Variants in KHDRBS2 observed in about 807,000 individuals in gnomAD.
The protein encoded by KHDRBS2 is KH RNA binding domain containing, signal transduction associated 2.
A neutral mutation model predicts 44.3 loss-of-function variants in KHDRBS2; 26 were observed. That is an observed-to-expected ratio of 0.59 (90% confidence interval 0.43 to 0.81). The LOEUF (loss-of-function observed/expected upper bound fraction) is 0.81, where lower values mean the gene tolerates loss of function less well. Ranked by LOEUF, KHDRBS2 falls within the 40% of genes least tolerant of loss-of-function variation. The pLI is 0.00. For missense variants in KHDRBS2, 476 were observed against 433.1 expected, an observed-to-expected ratio of 1.10 and a Z score of -0.88; for synonymous variants, 194 against 151.1, an observed-to-expected ratio of 1.28 and a Z score of -2.08.
chr6:61,581,562 TACA>T, the KHDRBS2 span, among the ~76,000 whole-genome samples: 177 of 141,830 alleles, frequency 1.2e-3, no homozygotes, highest in African/African-American at 3.9e-3. Context: ...ATACACAATA[TACA>T]ACAATATACA....
chr6:62,135,525 T>C (rs1562938873), intron 2 of KHDRBS2, among the ~76,000 whole-genome samples: 1 of 152,204 alleles, frequency 6.6e-6, no homozygotes, highest in East Asian at 1.9e-4. Context: ...ATACCTCTTC[T>C]GTGTACAGAC....
chr6:62,194,264 A>G (rs1019751406), intron 1 of KHDRBS2, among the ~76,000 whole-genome samples: 7 of 151,966 alleles, frequency 4.6e-5, no homozygotes, highest in Non-Finnish European at 7.4e-5. Flanking sequence ...ATAAGAGTCC[A>G]ACTTCATTTT....
At chr6:61,678,053 A>G (rs1766044094), downstream of KHDRBS2, among the ~76,000 whole-genome samples, 1 of 151,784 alleles carries the variant, frequency 6.6e-6, no homozygotes, top group Non-Finnish European at 1.5e-5. Context: ...ACAGAAGATT[A>G]AAACTTGGGG....
At chr6:61,839,964 A>T (rs1256820619) in intron 6 of KHDRBS2, among the ~76,000 whole-genome samples, 1 of 152,142 alleles carries the variant, frequency 6.6e-6, no homozygotes, top group Non-Finnish European at 1.5e-5. Flanking sequence ...AAAATAGTGC[A>T]TATTATTTAT....
At chr6:61,955,149 T>C (rs1401378850) in intron 4 of KHDRBS2, among the ~76,000 whole-genome samples, 1 of 143,642 alleles carries the variant, frequency 7.0e-6, no homozygotes, top group Non-Finnish European at 1.5e-5. Flanking sequence ...TACACATACG[T>C]GTGTATGTAT....
chr6:62,018,072 T>C (rs1417719635), intron 3 of KHDRBS2, among the ~76,000 whole-genome samples: 3 of 151,542 alleles, frequency 2.0e-5, no homozygotes, highest in Non-Finnish European at 2.9e-5. Context: ...TTAGTACTTA[T>C]AATGGTAATA....
At chr6:61,558,981 C>A in the KHDRBS2 span, among the ~76,000 whole-genome samples, 1 of 152,004 alleles carries the variant, frequency 6.6e-6, no homozygotes, top group Non-Finnish European at 1.5e-5. Context: ...GACTTCCTGT[C>A]TGGTGGATCT....
At chr6:61,847,758 C>T (rs541312266) in intron 6 of KHDRBS2, among the ~76,000 whole-genome samples, 4 of 151,868 alleles carry the variant, frequency 2.6e-5, no homozygotes, top group South Asian at 2.1e-4. Flanking sequence ...AGAGGGTTTC[C>T]GGATTGGGAG....
intron 1 of KHDRBS2, among the ~76,000 whole-genome samples, chr6:62,227,446 A>G (rs1050445584): frequency 1.3e-5 from 2 of 152,276 alleles, no homozygotes; most frequent in Admixed American, 1.3e-4. Flanking sequence ...GGTTTTCTAA[A>G]TATGTAATCA....
intron 1 of KHDRBS2, among the ~76,000 whole-genome samples, chr6:62,212,334 TGAGA>T (rs529741464): frequency 1.3e-4 from 19 of 143,496 alleles, no homozygotes; most frequent in Admixed American, 4.1e-4. Context: ...AGAGAGAGAG[TGAGA>T]GAGAGAGATA....
Position 62,063,239 on chromosome 6 carries a change from A to T in KHDRBS2, c.220-15245T>A, listed in dbSNP as rs879573476. 5.9e-3 allele frequency among the ~76,000 whole-genome samples: 844 copies of T among 143,274 alleles called. 9 individuals are homozygous for T. The highest frequency in any genetic ancestry group is 8.9e-3 in the Non-Finnish European group (572 of 64,442). The allele number at this position is 143,274 out of a possible 152,430, so 94.0% of individuals were successfully genotyped here. A position where few individuals can be genotyped will look rare whatever the true frequency, so the allele number is the denominator to read the frequency against. ...GTACCATTCCTTCTGAAACTATTCC[A>T]ATCAATAGAAAAAGAGGGAATCCTC... On this transcript the variant is annotated intron_variant, in intron 2 of 8. Transcript: ENST00000281156.
At chr6:62,237,899 C>T (rs1384043198) in intron 1 of KHDRBS2, among the ~76,000 whole-genome samples, 3 of 151,940 alleles carry the variant, frequency 2.0e-5, no homozygotes, top group Middle Eastern at 3.4e-3. Context: ...ATTAGCTGGG[C>T]GTGGTGGTGC....
At chr6:62,060,067 G>C (rs1451727593) in intron 2 of KHDRBS2, among the ~76,000 whole-genome samples, 1 of 151,776 alleles carries the variant, frequency 6.6e-6, no homozygotes, top group African/African-American at 2.4e-5. Flanking sequence ...GAGAAGTTGG[G>C]GCGGGGACAG....
chr6:61,874,174 CTT>C (rs899011253), intron 6 of KHDRBS2, among the ~76,000 whole-genome samples: 1 of 151,784 alleles, frequency 6.6e-6, no homozygotes, highest in African/African-American at 2.4e-5. Context: ...CATTTGAAGA[CTT>C]TTTTTCAAAT....
intron 1 of KHDRBS2, among the ~76,000 whole-genome samples, chr6:62,268,521 T>C (rs1426715080): frequency 6.6e-6 from 1 of 152,086 alleles, no homozygotes; most frequent in East Asian, 1.9e-4. Context: ...GATGTAGGTC[T>C]CAGTTGTTAG....
At chr6:61,603,428 C>T in the KHDRBS2 span, among the ~76,000 whole-genome samples, 3 of 152,158 alleles carry the variant, frequency 2.0e-5, no homozygotes, top group Non-Finnish European at 4.4e-5. Flanking sequence ...CCCTGACACC[C>T]ATCAGGCTCA....
At chr6:62,249,755 G>C (rs1432544663) in intron 1 of KHDRBS2, among the ~76,000 whole-genome samples, 8 of 151,940 alleles carry the variant, frequency 5.3e-5, no homozygotes. Flanking sequence ...TCTTTTCTAT[G>C]TGGAATTATT....
chr6:61,621,297 C>T, the KHDRBS2 span, among the ~76,000 whole-genome samples: 1 of 152,190 alleles, frequency 6.6e-6, no homozygotes, highest in African/African-American at 2.4e-5. Flanking sequence ...AGAACAATGC[C>T]TACACAGATG....
intron 4 of KHDRBS2, among the ~76,000 whole-genome samples, chr6:61,936,160 G>C (rs960341785): frequency 6.6e-6 from 1 of 151,846 alleles, no homozygotes; most frequent in African/African-American, 2.4e-5. Context: ...TATAAATATG[G>C]TATGTACATA....
Sources: allele counts gnomAD v4.1 joint callset (sites outside exome capture counted in the v4.1 genomes callset), GRCh38; gene constraint gnomAD v4.1.1; transcripts MANE v1.5; gene names NCBI Gene and HGNC (gene_info 2026-07-23, HGNC 2026-07-21).